Variants in DNAH10 observed in about 807,000 individuals in gnomAD.
DNAH10 encodes the protein dynein axonemal heavy chain 10, also known as axonemal beta dynein heavy chain 10.
DNAH10 carries 348 observed loss-of-function variants against 506.6 expected under a neutral mutation model. That is an observed-to-expected ratio of 0.69 (90% confidence interval 0.63 to 0.75). The LOEUF (loss-of-function observed/expected upper bound fraction) is 0.75, where lower values mean the gene tolerates loss of function less well. Among genes scored for constraint, DNAH10 ranks in the 30% least tolerant of loss-of-function variants. The probability of loss-of-function intolerance (pLI) is 0.00; values close to 1 mark genes in which losing one functional copy is unlikely to be tolerated. For synonymous variants in DNAH10, 2,059 were observed against 2,198.6 expected (o/e 0.94, Z 1.78); for missense variants, 5,179 against 5,787.1 (o/e 0.89, Z 3.41).
In DNAH10 at chr12:123,787,956, C is replaced by T; in HGVS notation, c.1574C>T (p.Thr525Met). Residue 525 changes from threonine to methionine, a missense_variant, in exon 10 of 79, where the codon ACG becomes ATG. Thr to Met is a moderately conservative substitution (Grantham distance 81, BLOSUM62 -1). Around this residue, in one of 3 missense-constraint regions of DNAH10, gnomAD observed 4,844 missense variants for 5,430.5 expected, o/e 0.89. Coordinates refer to ENST00000673944, the MANE Select transcript of DNAH10 (RefSeq NM_001372106.1). The surrounding 1 kb of genome is among the most constrained non-coding windows in gnomAD (Gnocchi z 4.6). ...GACCGGAAGCGGCTGTTCGAGAGGA[C>T]GGATTATATGGCCACCATCTGCCAG... Reference protein sequence around the residue: ...EFDRKRLFERTDYMATICQDL... With the variant: ...EFDRKRLFERMDYMATICQDL... 6.3e-7 allele frequency: 1 copy of T among 1,592,948 alleles called. No homozygotes were observed. Among genetic ancestry groups the T allele is most frequent in the Non-Finnish European group, 8.5e-7 (1 of 1,169,786 alleles).
chr12:123,788,795 G>A (rs984365799), intron 10 of DNAH10, among the ~76,000 whole-genome samples: 6 of 151,964 alleles, frequency 3.9e-5, no homozygotes, highest in African/African-American at 1.5e-4. Flanking sequence ...GTGTGGTGGT[G>A]CACACGTGTA....
intron 46 of DNAH10, among the ~76,000 whole-genome samples, chr12:123,874,606 C>CCCATCCATCCAT (rs111763952): frequency 0.015 from 2,279 of 148,164 alleles, 46 homozygotes; most frequent in African/African-American, 0.044. Flanking sequence ...CATCCATCTA[C>CCCATCCATCCAT]CCATCCATCC....
chr12:123,910,777 C>T, intron 59 of DNAH10, 105 bp downstream of exon 59: 2 of 1,420,260 alleles, frequency 1.4e-6, no homozygotes, highest in South Asian at 1.4e-5. Context: ...GAGGTTCTGA[C>T]TTCAAGCTGC....
intron 50 of DNAH10, among the ~76,000 whole-genome samples, chr12:123,880,024 C>T (rs147468566): frequency 7.2e-5 from 11 of 152,282 alleles, no homozygotes; most frequent in Non-Finnish European, 1.5e-4. Context: ...AGATTTGCTG[C>T]GCTGGGCCCA....
chr12:123,780,513 A>G (rs972881990), intron 5 of DNAH10, among the ~76,000 whole-genome samples: 2 of 152,000 alleles, frequency 1.3e-5, no homozygotes, highest in Non-Finnish European at 2.9e-5. Context: ...GTATACAGAA[A>G]TAACAGCACT....
At chr12:123,793,341 CTT>C (rs899753911) in intron 11 of DNAH10, among the ~76,000 whole-genome samples, 16 of 140,344 alleles carry the variant, frequency 1.1e-4, no homozygotes, top group African/African-American at 1.0e-4. Context: ...TAGTTACTGT[CTT>C]TTTTTTTTTT....
intron 2 of DNAH10, among the ~76,000 whole-genome samples, chr12:123,770,140 C>T (rs551648217): frequency 2.6e-4 from 39 of 151,712 alleles, no homozygotes; most frequent in African/African-American, 8.7e-4. Context: ...CCCAGCTACT[C>T]GGGAGGCTGA....
At chr12:123,782,716 C>T (rs1345099407) in intron 6 of DNAH10, among the ~76,000 whole-genome samples, 1 of 151,958 alleles carries the variant, frequency 6.6e-6, no homozygotes, top group Non-Finnish European at 1.5e-5. Context: ...CTGGCCTGTT[C>T]TCCTTTTCTT....
chr12:123,794,225 T>G (rs947237869), intron 12 of DNAH10, 113 bp downstream of exon 12: 14 of 863,606 alleles, frequency 1.6e-5, no homozygotes, highest in South Asian at 3.2e-5. Context: ...AAACTAGAAT[T>G]TTCCCAAATT....
chr12:123,915,731 C>T (rs10846578), intron 62 of DNAH10, among the ~76,000 whole-genome samples: 40,326 of 152,126 alleles, frequency 0.27, 5,459 homozygotes, highest in Non-Finnish European at 0.28. Context: ...AATGATATTC[C>T]GGTGTATGAA....
At chr12:123,924,147 TG>T in intron 66 of DNAH10, 130 bp from the exon 67 acceptor site, 1 of 1,286,768 alleles carries the variant, frequency 7.8e-7, no homozygotes, top group Non-Finnish European at 1.0e-6. Flanking sequence ...AGGGCAAGCC[TG>T]GGCCACTTCC....
intron 26 of DNAH10, among the ~76,000 whole-genome samples, chr12:123,832,283 C>T (rs1196280551): frequency 1.3e-5 from 2 of 151,808 alleles, no homozygotes; most frequent in East Asian, 1.9e-4. Flanking sequence ...ACTATGTATT[C>T]GTATACACAC....
At chr12:123,933,253 C>A in intron 76 of DNAH10, 78 bp from the exon 77 acceptor site, 1 of 1,296,582 alleles carries the variant, frequency 7.7e-7, no homozygotes, top group Non-Finnish European at 1.0e-6. Flanking sequence ...TTATCATAAA[C>A]TAAACTTCCA....
In DNAH10 at chr12:123,935,322, C is replaced by T; in HGVS notation, c.13624-13C>T. 1 of 1,596,490 alleles carries T rather than the reference C, an allele frequency of 6.3e-7. No individual in the cohort carries two copies. Among genetic ancestry groups the T allele is most frequent in the Non-Finnish European group, 8.6e-7 (1 of 1,164,970 alleles). On this transcript the variant is annotated splice_polypyrimidine_tract_variant and intron_variant, in intron 78 of 78. Transcript: ENST00000673944. ...CTCTCCGTGGGGGCATCTCACCTGCCTTTCCCTTGCAGAATACTTTCCGGA... is the reference window on the plus strand; with the variant it reads ...CTCTCCGTGGGGGCATCTCACCTGCTTTTCCCTTGCAGAATACTTTCCGGA...
chr12:123,867,044 C>G (rs1951839135), intron 41 of DNAH10, among the ~76,000 whole-genome samples: 1 of 152,188 alleles, frequency 6.6e-6, no homozygotes, highest in South Asian at 2.1e-4. Flanking sequence ...CCATCTGAGG[C>G]ACTGTCCTGT....
At chr12:123,813,724 G>T (rs760079008) in intron 20 of DNAH10, 30 bp from the exon 21 acceptor site, 4 of 1,612,724 alleles carry the variant, frequency 2.5e-6, no homozygotes, top group South Asian at 1.1e-5. Flanking sequence ...TTCTGTGTTT[G>T]CTTAGTGTTC....
Position 123,916,480 on chromosome 12 carries a change from C to A in DNAH10, c.10746C>A (p.Asp3582Glu), listed in dbSNP as rs61745785. 9.4e-3 allele frequency: 15,114 copies of A among 1,611,450 alleles called. 204 individuals are homozygous for A. The highest frequency in any genetic ancestry group is 0.048 in the South Asian group (4,327 of 90,794). The change falls in exon 63 of 79, where the codon GAC becomes GAA. Residue 3582 changes from aspartate to glutamate, a missense_variant. Asp to Glu is a conservative substitution (Grantham distance 45). Around this residue, in one of 3 missense-constraint regions of DNAH10, gnomAD observed 4,844 missense variants for 5,430.5 expected, o/e 0.89. Transcript: ENST00000673944. This position sits in a 1 kb window ranked among gnomAD's most constrained non-coding sequence, Gnocchi z 4.6. The part of the protein sequence containing the change: ...NLRVASFNDP[D>E]FLKQLEMSIK... ...AGGTCGCTTCCTTTAATGACCCTGA[C>A]TTCCTCAAGCAGCTAGAGATGTCCA... is the stretch of plus-strand genomic sequence containing the variant.
chr12:123,808,663 CT>C, intron 18 of DNAH10, 133 bp from the exon 19 acceptor site: 1 of 828,440 alleles, frequency 1.2e-6, no homozygotes, highest in South Asian at 1.8e-5. Context: ...TCACCCCAGC[CT>C]GTCTAGGACA....
At chr12:123,859,679 C>A (rs926200470) in intron 38 of DNAH10, among the ~76,000 whole-genome samples, 5 of 152,150 alleles carry the variant, frequency 3.3e-5, no homozygotes, top group Non-Finnish European at 5.9e-5. Flanking sequence ...GCCTTATAAT[C>A]GCTAGCCCTT....
Sources: gnomAD v4.1 joint callset for allele counts (sites outside exome capture counted in the v4.1 genomes callset) on GRCh38, gnomAD v4.1.1 for gene constraint, gnomAD v4.1.1 regional missense constraint, Gnocchi (gnomAD v3.1) non-coding constraint, MANE v1.5 for transcripts, NCBI Gene and HGNC (gene_info 2026-07-23, HGNC 2026-07-21) for gene names.